Variants in SNTB1 observed in about 807,000 individuals in gnomAD.
SNTB1 encodes the protein syntrophin beta 1.
SNTB1 carries 36 observed loss-of-function variants against 48.9 expected under a neutral mutation model. The ratio of observed to expected loss-of-function variants is 0.74; its 90% CI spans 0.56 to 0.97. The LOEUF (loss-of-function observed/expected upper bound fraction) is 0.97, where lower values mean the gene tolerates loss of function less well. Among genes scored for constraint, SNTB1 ranks in the 50% least tolerant of loss-of-function variants. The probability of loss-of-function intolerance (pLI) is 0.00; values close to 1 mark genes in which losing one functional copy is unlikely to be tolerated. For missense variants in SNTB1, 786 were observed against 703.4 expected (o/e 1.12, Z -1.33); for synonymous variants, 299 against 294.6 (o/e 1.01, Z -0.15).
At chr8:120,604,581 G>A (rs148533705) in intron 3 of SNTB1, among the ~76,000 whole-genome samples, 220 of 151,960 alleles carry the variant, frequency 1.4e-3, no homozygotes, top group Admixed American at 1.8e-3. Flanking sequence ...CTCTCAGGTA[G>A]CTGGGATTAC....
intron 4 of SNTB1, among the ~76,000 whole-genome samples, chr8:120,560,115 C>T (rs1193512394): frequency 2.0e-5 from 3 of 152,162 alleles, no homozygotes; most frequent in African/African-American, 7.2e-5. Flanking sequence ...TTCCCAGGAA[C>T]ACTCTCTAAC....
chr8:120,774,821 T>G (rs1439476155), intron 1 of SNTB1, among the ~76,000 whole-genome samples: 2 of 151,904 alleles, frequency 1.3e-5, no homozygotes, highest in Non-Finnish European at 2.9e-5. Context: ...GCCCTGCTAA[T>G]TTTTGTATTT....
intron 3 of SNTB1, 69 bp downstream of exon 3, chr8:120,632,375 T>A (rs2130753618): frequency 1.4e-6 from 2 of 1,384,420 alleles, no homozygotes; most frequent in African/African-American, 2.8e-5. Context: ...ATGAGATAGT[T>A]TTAGTGGTTA....
intron 2 of SNTB1, among the ~76,000 whole-genome samples, chr8:120,663,006 T>G (rs1222860410): frequency 0.014 from 23 of 1,670 alleles, no homozygotes; most frequent in African/African-American, 0.029. Context: ...AGTGTGTGTG[T>G]GGGGGTGGGG....
chr8:120,629,612 A>T (rs749855686), intron 3 of SNTB1, among the ~76,000 whole-genome samples: 1 of 152,196 alleles, frequency 6.6e-6, no homozygotes, highest in Admixed American at 6.5e-5. Flanking sequence ...CATTTTGCTA[A>T]AAACCATTCA....
chr8:120,541,902 TG>T lies in SNTB1; in HGVS notation c.1431del (p.Ile478SerfsTer22). ...TEPQEGAFPKTIIQSPYEKLK... is the reference protein window; with the variant it reads ...TEPQEGAFPKXIIQSPYEKLK... ...AGCTTTTCATAAGGAGACTGTATGA[TG>T]GTCTTGGGAAAGGCACCCTCCTGTG... On this transcript the variant is annotated frameshift_variant, in exon 6 of 7. Transcript: ENST00000517992. LOFTEE classifies it high-confidence loss of function. 6.2e-7 allele frequency: 1 copy of T among 1,613,976 alleles called. No individual in the cohort carries two copies. The highest frequency in any genetic ancestry group is 8.5e-7 in the Non-Finnish European group (1 of 1,179,846).
chr8:120,666,571 CATTAGT>C (rs1180230599), intron 2 of SNTB1, among the ~76,000 whole-genome samples: 2 of 151,974 alleles, frequency 1.3e-5, no homozygotes, highest in African/African-American at 4.8e-5. Context: ...ACTTTGGTGT[CATTAGT>C]TTCATATTTC....
intron 1 of SNTB1, among the ~76,000 whole-genome samples, chr8:120,705,869 G>A (rs1198621329): frequency 6.6e-6 from 1 of 152,086 alleles, no homozygotes; most frequent in Non-Finnish European, 1.5e-5. Flanking sequence ...TGTATAATGC[G>A]GAAAACAATG....
At chr8:120,700,591 G>A (rs911089607) in intron 1 of SNTB1, among the ~76,000 whole-genome samples, 8 of 152,154 alleles carry the variant, frequency 5.3e-5, no homozygotes, top group African/African-American at 1.9e-4. Flanking sequence ...GGGGCGGAGA[G>A]GAGTCAGAGG....
chr8:120,648,808 C>A (rs1273358598), intron 2 of SNTB1, among the ~76,000 whole-genome samples: 1 of 152,210 alleles, frequency 6.6e-6, no homozygotes, highest in East Asian at 1.9e-4. Flanking sequence ...GTACACCAAT[C>A]AGATGTAGAT....
intron 1 of SNTB1, among the ~76,000 whole-genome samples, chr8:120,765,159 A>C (rs1819498841): frequency 6.6e-6 from 1 of 152,164 alleles, no homozygotes; most frequent in African/African-American, 2.4e-5. Flanking sequence ...TGGGAGGCGG[A>C]GCTTGCAGTG....
At chr8:120,671,928 TC>T (rs1817764454) in intron 2 of SNTB1, among the ~76,000 whole-genome samples, 1 of 152,214 alleles carries the variant, frequency 6.6e-6, no homozygotes, top group African/African-American at 2.4e-5. Flanking sequence ...GTACAGATGG[TC>T]CCCAACTTAT....
chr8:120,799,749 C>T (rs1023447203), intron 1 of SNTB1, among the ~76,000 whole-genome samples: 8 of 151,838 alleles, frequency 5.3e-5, no homozygotes, highest in African/African-American at 1.9e-4. Flanking sequence ...TAAACGGTGT[C>T]CTTAGTGACT....
chr8:120,617,775 G>A (rs745478878), intron 3 of SNTB1, among the ~76,000 whole-genome samples: 1 of 152,222 alleles, frequency 6.6e-6, no homozygotes, highest in Non-Finnish European at 1.5e-5. Context: ...AAGGTGATCA[G>A]TTAAGCCAAA....
intron 1 of SNTB1, among the ~76,000 whole-genome samples, chr8:120,808,723 T>C (rs1429035986): frequency 2.0e-5 from 3 of 152,194 alleles, no homozygotes; most frequent in African/African-American, 7.2e-5. Flanking sequence ...ATGCCTAGAA[T>C]GCAGGCATTG....
chr8:120,811,489 C>G lies in SNTB1; in HGVS notation c.355G>C (p.Glu119Gln), dbSNP rs746819066. 2 of 1,613,962 alleles carry G rather than the reference C, an allele frequency of 1.2e-6. No individual in the cohort carries two copies. Among genetic ancestry groups the G allele is most frequent in the East Asian group, 4.5e-5 (2 of 44,854 alleles). ...QKRGVKVLKQ[E>Q]LGGLGISIKG... ...ATGCTGATCCCCAGCCCGCCCAGCT[C>G]CTGCTTCAGCACCTTCACGCCACGC... Residue 119 changes from glutamate to glutamine, a missense_variant, in exon 1 of 7, where the codon GAG becomes CAG. Physicochemically the swap from Glu to Gln is conservative, Grantham distance 29 (BLOSUM62 2). Transcript: ENST00000517992.
At chr8:120,633,647 C>T (rs987390389) in intron 2 of SNTB1, among the ~76,000 whole-genome samples, 4 of 151,822 alleles carry the variant, frequency 2.6e-5, no homozygotes, top group Non-Finnish European at 5.9e-5. Context: ...AATAAAAGTC[C>T]AACACCAAAA....
chr8:120,597,184 C>T (rs942683271), intron 3 of SNTB1, among the ~76,000 whole-genome samples: 1 of 152,150 alleles, frequency 6.6e-6, no homozygotes, highest in East Asian at 1.9e-4. Context: ...GCCAAGGATA[C>T]CAGTGGCCAT....
chr8:120,718,383 T>C, intron 1 of SNTB1, among the ~76,000 whole-genome samples: 1 of 152,158 alleles, frequency 6.6e-6, no homozygotes, highest in Non-Finnish European at 1.5e-5. Flanking sequence ...TTTCAGTGCC[T>C]ATGGAACCAG....
Sources: allele counts gnomAD v4.1 joint callset (sites outside exome capture counted in the v4.1 genomes callset), GRCh38; gene constraint gnomAD v4.1.1; transcripts MANE v1.5; gene names NCBI Gene and HGNC (gene_info 2026-07-23, HGNC 2026-07-21).